The following PALM variants were observed in gnomAD, a reference collection of about 807,000 sequenced individuals.
The protein encoded by PALM is paralemmin-1.
Under a neutral mutation model 30.7 loss-of-function variants are expected in PALM, and 18 were observed. The ratio of observed to expected loss-of-function variants is 0.59; its 90% confidence interval spans 0.41 to 0.87. PALM has a LOEUF of 0.87. Among genes scored for constraint, PALM ranks in the 40% least tolerant of loss-of-function variants. The pLI, the probability that PALM is intolerant of heterozygous loss-of-function variation, is 0.00. For missense variants in PALM, 529 were observed against 555.4 expected, an observed-to-expected ratio of 0.95 and a Z score of 0.48; for synonymous variants, 286 against 242.8, an observed-to-expected ratio of 1.18 and a Z score of -1.66.
chr19:715,998 G>C (rs1165635688), intron 1 of PALM, among the ~76,000 whole-genome samples: 1 of 152,136 alleles, frequency 6.6e-6, no homozygotes, highest in Non-Finnish European at 1.5e-5. Flanking sequence ...TCAGGCCAGA[G>C]TGGCTGTCTC....
chr19:746,223 G>A lies in PALM; in HGVS notation c.635-62G>A, dbSNP rs2033333129. ...CAAGGTTTCCCTCCTGCCTGAGCCAGGTCACTCTCTCTGTCCCTCCTGCCT... is the reference window on the plus strand; with the variant it reads ...CAAGGTTTCCCTCCTGCCTGAGCCAAGTCACTCTCTCTGTCCCTCCTGCCT... On this transcript the variant is annotated intron_variant, in intron 8 of 8. Coordinates refer to ENST00000338448, the MANE Select transcript of PALM (RefSeq NM_002579.3). This position sits in a 1 kb window ranked among gnomAD's most constrained non-coding sequence, Gnocchi z 7.1. 1.4e-6 allele frequency: 2 copies of A among 1,384,240 alleles called. No homozygotes were observed. The highest frequency in any genetic ancestry group is 1.4e-5 in the African/African-American group (1 of 69,756). The allele number at this position is 1,384,240 out of a possible 1,614,324, so 85.7% of individuals were successfully genotyped here. A position where few individuals can be genotyped will look rare whatever the true frequency, so the allele number is the denominator to read the frequency against.
In PALM at chr19:726,998, C is replaced by CCCCCCCCCCCCCCCA; in HGVS notation, c.58-10_58-9insCCCCCCCCCCCCCCA. The CCCCCCCCCCCCCCCA allele has an allele frequency of 6.8e-7, 1 of 1,460,796 alleles. No homozygotes were observed. 90.5% of individuals were successfully genotyped at this position (1,460,796 alleles called of 1,614,324 possible). A position where few individuals can be genotyped will look rare whatever the true frequency, so the allele number is the denominator to read the frequency against. ...CGCCCATCCCTGACCCCACCCGGCC[C>CCCCCCCCCCCCCCCA]TCCCCACAGGAGAAGCGGAAGCGGC... On this transcript the variant is annotated splice_polypyrimidine_tract_variant and intron_variant, in intron 2 of 8. Transcript: ENST00000338448.
At chr19:717,091 G>A (rs945650667) in intron 1 of PALM, among the ~76,000 whole-genome samples, 4 of 152,046 alleles carry the variant, frequency 2.6e-5, no homozygotes, top group Non-Finnish European at 4.4e-5. Flanking sequence ...CACCACGCCC[G>A]GCTAATTTTT....
At chr19:724,829 G>C (rs966384145) in intron 1 of PALM, among the ~76,000 whole-genome samples, 1 of 151,952 alleles carries the variant, frequency 6.6e-6, no homozygotes. Context: ...TTACTAGATT[G>C]CCTAGGCTGG....
At chr19:719,121 C>G (rs1443825502) in intron 1 of PALM, 1 of 985,238 alleles carries the variant, frequency 1.0e-6, no homozygotes, top group Non-Finnish European at 1.2e-6. Flanking sequence ...CGGCGCCTGC[C>G]CGGGCAGGGA....
chr19:735,017 T>C (rs76091919), intron 6 of PALM: 37,884 of 962,910 alleles, frequency 0.039, 869 homozygotes, highest in East Asian at 0.064. Context: ...CAGACAGGCC[T>C]CTCAGGGATT....
intron 8 of PALM, among the ~76,000 whole-genome samples, chr19:741,973 A>C (rs13313733): frequency 0.027 from 4,078 of 152,202 alleles, 181 homozygotes; most frequent in African/African-American, 0.091. Context: ...CGGCCTCCCG[A>C]AATGCTGAGA....
rs117688448 is a variant in PALM at position 743,932 on chromosome 19, A to G, written c.635-2353A>G. 9.7e-4 allele frequency among the ~76,000 whole-genome samples: 148 copies of G among 152,182 alleles called. No individual in the cohort carries two copies. In the East Asian group the frequency reaches 0.016, roughly 16 times the overall value. ...TTCTTTTCAAACACAGAACATTGTC[A>G]GAAAGTGACCACCGTGGCCCAGGCT... On this transcript the variant is annotated intron_variant, in intron 8 of 8. Transcript: ENST00000338448.
intron 8 of PALM, among the ~76,000 whole-genome samples, chr19:740,768 G>T (rs552697387): frequency 6.6e-6 from 1 of 152,330 alleles, no homozygotes; most frequent in African/African-American, 2.4e-5. Flanking sequence ...AAATCCGGAG[G>T]TAGATTCAGC....
At chr19:737,352 G>C (rs959527080) in intron 7 of PALM, among the ~76,000 whole-genome samples, 6 of 152,240 alleles carry the variant, frequency 3.9e-5, no homozygotes, top group South Asian at 4.1e-4. Flanking sequence ...CTCTGGACTA[G>C]CTGTCTGGGG....
chr19:726,088 G>A lies in PALM; in HGVS notation c.6-50G>A, dbSNP rs112669506. 3.8e-4 allele frequency: 547 copies of A among 1,438,864 alleles called. 1 individual carries two copies. Among genetic ancestry groups the A allele is most frequent in the Admixed American group, 2.0e-3 (117 of 59,508 alleles). The allele number at this position is 1,438,864 out of a possible 1,614,324, so 89.1% of individuals were successfully genotyped here. On this transcript the variant is annotated intron_variant, in intron 1 of 8. Transcript: ENST00000338448. ...AGCTGGGATTTGAACCGCGTCTGAC[G>A]GACAGCAGGGCTCAGTGAACCAGAG...
intron 1 of PALM, among the ~76,000 whole-genome samples, chr19:713,117 G>T (rs2144842308): frequency 6.6e-6 from 1 of 152,230 alleles, no homozygotes; most frequent in East Asian, 1.9e-4. Flanking sequence ...CTCTCTCTAA[G>T]CCGCCGGGGA....
intron 1 of PALM, among the ~76,000 whole-genome samples, chr19:713,545 G>C (rs896829405): frequency 1.3e-5 from 2 of 152,164 alleles, no homozygotes; most frequent in African/African-American, 4.8e-5. Flanking sequence ...ATCCTTAAGG[G>C]CCTCAGATTT....
intron 4 of PALM, among the ~76,000 whole-genome samples, chr19:730,043 C>T (rs968518218): frequency 2.0e-5 from 3 of 152,252 alleles, no homozygotes; most frequent in African/African-American, 7.2e-5. Flanking sequence ...AGCTTCACCC[C>T]TCCCCAGGGC....
chr19:731,101 G>C lies in PALM; in HGVS notation c.276G>C (p.Glu92Asp). ...AGGCACACCCTCTCCCCAGGTTGGAGAAGGAAATTGAGGTGCTGGAGCGTG... is the reference window on the plus strand; with the variant it reads ...AGGCACACCCTCTCCCCAGGTTGGACAAGGAAATTGAGGTGCTGGAGCGTG... ...RLLEDSVSRL[E>D]KEIEVLERGD... is the part of the protein sequence containing the mutation. Residue 92 changes from glutamate (E) to aspartate (D), a missense_variant, in exon 5 of 9, where the codon GAG becomes GAC. Glu to Asp is a conservative substitution (Grantham distance 45). Coordinates refer to ENST00000338448, the MANE Select transcript of PALM (RefSeq NM_002579.3). 6.3e-7 allele frequency: 1 copy of C among 1,586,590 alleles called. No homozygotes were observed. Among genetic ancestry groups the C allele is most frequent in the South Asian group, 1.1e-5 (1 of 87,698 alleles).
In PALM at chr19:727,552, C is replaced by CGT. The variant is rs200294538; in HGVS notation, c.139-12_139-11insGT. 6.4e-7 allele frequency: 1 copy of CGT among 1,568,274 alleles called. No homozygotes were observed. The highest frequency in any genetic ancestry group is 2.3e-5 in the East Asian group (1 of 42,962). On this transcript the variant is annotated splice_polypyrimidine_tract_variant and intron_variant, in intron 3 of 8. Transcript: ENST00000338448. ...CCTGCCCACGACTCTGACCTGGATC[C>CGT]CTGCTGCTCAGTCCAAGGCACTGCG...
rs1367407180 is a variant in PALM at position 747,052 on chromosome 19, A to G, written c.*238A>G. On this transcript the variant is annotated 3_prime_UTR_variant, in exon 9 of 9. Coordinates refer to ENST00000338448, the MANE Select transcript of PALM (RefSeq NM_002579.3). ...CACTTGTGCCTGGTAGGAGAGAGAC[A>G]GGACAGACCCGCTTTTCCCGAGACA... 2.0e-6 allele frequency: 1 copy of G among 510,920 alleles called. No individual in the cohort carries two copies. The highest frequency in any genetic ancestry group is 3.5e-6 in the Non-Finnish European group (1 of 288,344). The allele number at this position is 510,920 out of a possible 1,614,324, so 31.6% of individuals were successfully genotyped here. A position where few individuals can be genotyped will look rare whatever the true frequency, so the allele number is the denominator to read the frequency against.
At chr19:731,519 AC>A (rs763438662) in intron 5 of PALM, among the ~76,000 whole-genome samples, 14 of 139,016 alleles carry the variant, frequency 1.0e-4, no homozygotes, top group Non-Finnish European at 2.1e-4. Flanking sequence ...GAAGCAGGAG[AC>A]CCACCTGGGG....
intron 1 of PALM, among the ~76,000 whole-genome samples, chr19:716,214 C>CCAGGCT (rs2032249536): frequency 1.3e-5 from 2 of 152,178 alleles, no homozygotes; most frequent in South Asian, 4.1e-4. Flanking sequence ...GAGTTCGAGA[C>CCAGGCT]CAGCCTGGTC....
Sources: allele counts gnomAD v4.1 joint callset (sites outside exome capture counted in the v4.1 genomes callset), GRCh38; gene constraint gnomAD v4.1.1; non-coding constraint Gnocchi (gnomAD v3.1); transcripts MANE v1.5; gene names NCBI Gene and HGNC (gene_info 2026-07-23, HGNC 2026-07-21).